Variants in CNTN5 observed in about 807,000 individuals in gnomAD.
The protein encoded by CNTN5 is contactin 5, also known as contactin-5.
In CNTN5, 77 loss-of-function variants were observed where a neutral mutation model predicts 129.1. The observed-to-expected ratio is 0.60, with a 90% CI of 0.50 to 0.72. The LOEUF (loss-of-function observed/expected upper bound fraction) is 0.72. Ranked by LOEUF, CNTN5 falls within the 30% of genes least tolerant of loss-of-function variation. The pLI is 0.00. For synonymous variants in CNTN5, 509 were observed against 465.6 expected (o/e 1.09, Z -1.20); for missense variants, 1,478 against 1,328.8 (o/e 1.11, Z -1.75).
chr11:99,249,140 G>T (rs1037852395), intron 1 of CNTN5, among the ~76,000 whole-genome samples: 2 of 151,844 alleles, frequency 1.3e-5, no homozygotes, highest in African/African-American at 2.4e-5. Flanking sequence ...CTTTTATTTC[G>T]TTGAGCAGTG....
chr11:100,206,642 C>T (rs1458521869), intron 15 of CNTN5, among the ~76,000 whole-genome samples: 1 of 151,890 alleles, frequency 6.6e-6, no homozygotes, highest in Admixed American at 6.6e-5. Flanking sequence ...TGAGATAATT[C>T]CCTGAGGACT....
chr11:100,212,444 G>A (rs536506912), intron 15 of CNTN5, among the ~76,000 whole-genome samples: 53 of 152,196 alleles, frequency 3.5e-4, no homozygotes, highest in Non-Finnish European at 6.0e-4. Flanking sequence ...AGGAATAGAC[G>A]ACAGGGTCAA....
chr11:100,305,831 A>G lies in CNTN5; in HGVS notation c.2621-2528A>G, dbSNP rs1422788942. On this transcript the variant is annotated intron_variant, in intron 20 of 24. Transcript: ENST00000524871. ...GTCTAATTCAGGTCAACATAGATCA[A>G]CTTCTGATACCATTCAGGGATGTTC... 2.0e-5 allele frequency among the ~76,000 whole-genome samples: 3 copies of G among 151,540 alleles called. No homozygotes were observed. The East Asian group carries it at 5.8e-4, about 29-fold the overall frequency.
At chr11:100,107,986 A>AT (rs35920036) in intron 13 of CNTN5, among the ~76,000 whole-genome samples, 2,253 of 142,474 alleles carry the variant, frequency 0.016, 40 homozygotes, top group African/African-American at 0.039. Context: ...AGTGGGGATA[A>AT]TTTTTTTTTT....
intron 3 of CNTN5, among the ~76,000 whole-genome samples, chr11:99,815,829 A>G (rs889448502): frequency 4.6e-5 from 7 of 152,210 alleles, no homozygotes; most frequent in Middle Eastern, 3.4e-3. Flanking sequence ...ATTTCTGTCT[A>G]TTTCATCTTA....
intron 3 of CNTN5, among the ~76,000 whole-genome samples, chr11:99,722,291 C>A (rs575793184): frequency 6.6e-6 from 1 of 152,216 alleles, no homozygotes; most frequent in African/African-American, 2.4e-5. Flanking sequence ...CTGTGGAATG[C>A]TATGCAGCCA....
At chr11:99,239,941 A>AAAC (rs201756500) in intron 1 of CNTN5, among the ~76,000 whole-genome samples, 43 of 143,568 alleles carry the variant, frequency 3.0e-4, no homozygotes, top group Non-Finnish European at 4.4e-4. Context: ...CGTCTCAAAA[A>AAAC]AAAAAAAAAA....
intron 3 of CNTN5, among the ~76,000 whole-genome samples, chr11:99,738,759 G>T (rs1943794776): frequency 1.3e-5 from 2 of 151,948 alleles, no homozygotes; most frequent in Admixed American, 1.3e-4. Flanking sequence ...TGAAATTCAG[G>T]CAAAGGAACT....
At chr11:99,479,285 A>G (rs1046948387) in intron 2 of CNTN5, among the ~76,000 whole-genome samples, 1 of 151,494 alleles carries the variant, frequency 6.6e-6, no homozygotes, top group Admixed American at 6.6e-5. Flanking sequence ...TTACTATTTT[A>G]TAAGAAAATG....
intron 2 of CNTN5, among the ~76,000 whole-genome samples, chr11:99,470,111 G>T (rs2726385): frequency 6.6e-6 from 1 of 151,998 alleles, no homozygotes; most frequent in Non-Finnish European, 1.5e-5. Context: ...AGTGTTCTCT[G>T]TCAGTTCGTT....
chr11:99,112,059 A>G (rs1312301215), intron 1 of CNTN5, among the ~76,000 whole-genome samples: 1 of 152,072 alleles, frequency 6.6e-6, no homozygotes, highest in Non-Finnish European at 1.5e-5. Flanking sequence ...TTAGTACAGT[A>G]CCTGATAATT....
intron 3 of CNTN5, among the ~76,000 whole-genome samples, chr11:99,562,180 A>C (rs900159691): frequency 6.6e-6 from 1 of 152,212 alleles, no homozygotes; most frequent in Non-Finnish European, 1.5e-5. Flanking sequence ...TAAAATCTGC[A>C]TATCAAATCT....
intron 3 of CNTN5, among the ~76,000 whole-genome samples, chr11:99,792,620 G>A (rs928571256): frequency 6.8e-6 from 1 of 146,028 alleles, no homozygotes; most frequent in Admixed American, 6.8e-5. Flanking sequence ...GTATTAAGAT[G>A]ATGCTGGCCT....
At chr11:99,068,010 C>T (rs1865174286) in intron 1 of CNTN5, among the ~76,000 whole-genome samples, 1 of 152,086 alleles carries the variant, frequency 6.6e-6, no homozygotes, top group Non-Finnish European at 1.5e-5. Flanking sequence ...GTAGCTTCTC[C>T]TGCATTATTC....
At chr11:99,502,082 G>C (rs1399324920) in intron 2 of CNTN5, among the ~76,000 whole-genome samples, 1 of 152,076 alleles carries the variant, frequency 6.6e-6, no homozygotes, top group Non-Finnish European at 1.5e-5. Flanking sequence ...TCATAACATT[G>C]TATTCCCTCA....
intron 4 of CNTN5, among the ~76,000 whole-genome samples, chr11:99,833,801 G>T (rs993275768): frequency 6.6e-6 from 1 of 152,076 alleles, no homozygotes; most frequent in African/African-American, 2.4e-5. Flanking sequence ...GCCAACACCA[G>T]GCTAACTTTA....
chr11:100,136,035 G>T (rs1326469710), intron 13 of CNTN5, among the ~76,000 whole-genome samples: 1 of 152,070 alleles, frequency 6.6e-6, no homozygotes, highest in African/African-American at 2.4e-5. Flanking sequence ...ATATAAAAAT[G>T]ATACTCTCAA....
At chr11:100,155,437 T>G (rs1947206767) in intron 13 of CNTN5, among the ~76,000 whole-genome samples, 1 of 152,166 alleles carries the variant, frequency 6.6e-6, no homozygotes, top group Non-Finnish European at 1.5e-5. Flanking sequence ...TGTAGTGTAG[T>G]TTGAAGTCCG....
chr11:99,137,395 A>G (rs567069060), intron 1 of CNTN5, among the ~76,000 whole-genome samples: 3 of 152,228 alleles, frequency 2.0e-5, no homozygotes, highest in African/African-American at 7.2e-5. Context: ...TGGCCCATGT[A>G]CTTAATACTT....
Sources: allele counts gnomAD v4.1 joint callset (sites outside exome capture counted in the v4.1 genomes callset), GRCh38; gene constraint gnomAD v4.1.1; transcripts MANE v1.5; gene names NCBI Gene and HGNC (gene_info 2026-07-23, HGNC 2026-07-21).